The following DMD variants were observed in gnomAD, a reference collection of about 807,000 sequenced individuals.
The protein encoded by DMD is mutant dystrophin.
Under a neutral mutation model 330.1 loss-of-function variants are expected in DMD, and 63 were observed. The observed-to-expected ratio is 0.19, with a 90% confidence interval of 0.16 to 0.24. The LOEUF is 0.24. DMD is among the 10% of genes least tolerant of loss of function. DMD has a pLI of 1.00. For synonymous variants in DMD, 1,223 were observed against 959.8 expected (o/e 1.27, Z -5.07); for missense variants, 3,344 against 2,684.1 (o/e 1.25, Z -5.43).
intron 2 of DMD, among the ~76,000 whole-genome samples, chrX:32,923,273 T>C (rs1421528662): frequency 1.8e-5 from 2 of 111,635 alleles, no homozygotes; most frequent in Non-Finnish European, 3.8e-5. Context: ...AAATCATCTT[T>C]GTCAGGGTGG....
At chrX:31,186,499 A>G (rs1470248636) in intron 67 of DMD, among the ~76,000 whole-genome samples, 1 of 111,877 alleles carries the variant, frequency 8.9e-6, no homozygotes, top group East Asian at 2.8e-4. Flanking sequence ...GTGGCTTATC[A>G]GAGGATGGAG....
At chrX:31,344,779 C>T (rs1045023796) in intron 61 of DMD, among the ~76,000 whole-genome samples, 3 of 109,653 alleles carry the variant, frequency 2.7e-5, no homozygotes, top group African/African-American at 6.7e-5. Context: ...GAACCCAGGA[C>T]GGGGGAGGTT....
In DMD at chrX:33,103,581, G is replaced by A. The variant is rs777339186; in HGVS notation, c.32-83381C>T. Among the ~76,000 whole-genome samples, 6 of 109,236 alleles carry A rather than the reference G, an allele frequency of 5.5e-5. No homozygotes were observed. The East Asian group carries it at 8.7e-4, about 16-fold the overall frequency. 94.9% of individuals were successfully genotyped at this position (109,236 alleles called of 115,157 possible). ...TCTTTGTAATTTTCCTTTACCTACC[G>A]AAAGCTTATAAAACGGCCCCACCCC... On this transcript the variant is annotated intron_variant, in intron 1 of 78. Transcript: ENST00000357033.
intron 43 of DMD, among the ~76,000 whole-genome samples, chrX:32,237,171 G>T (rs748673017): frequency 9.0e-6 from 1 of 110,944 alleles, no homozygotes; most frequent in Non-Finnish European, 1.9e-5. Flanking sequence ...ATATTTTAAT[G>T]CTTTGCCTTT....
At chrX:32,135,226 C>T (rs919458439) in intron 44 of DMD, among the ~76,000 whole-genome samples, 3 of 112,023 alleles carry the variant, frequency 2.7e-5, no homozygotes, top group South Asian at 3.7e-4. Flanking sequence ...CTAGCTCTAT[C>T]GGTTACAGCA....
intron 63 of DMD, among the ~76,000 whole-genome samples, chrX:31,259,877 A>G (rs1167917002): frequency 9.0e-6 from 1 of 110,880 alleles, no homozygotes. Flanking sequence ...ATTTATGTTT[A>G]AGTACCCTGA....
chrX:31,742,240 G>A (rs181695100), intron 51 of DMD, among the ~76,000 whole-genome samples: 67 of 112,588 alleles, frequency 6.0e-4, no homozygotes, highest in Non-Finnish European at 1.5e-4. Flanking sequence ...GTTCAACAGA[G>A]TAGCACTTTT....
At chrX:32,026,353 G>T in intron 44 of DMD, among the ~76,000 whole-genome samples, 1 of 112,000 alleles carries the variant, frequency 8.9e-6, no homozygotes. Context: ...TTTCATTTAA[G>T]ATTACAAAGA....
intron 50 of DMD, among the ~76,000 whole-genome samples, chrX:31,795,716 A>G (rs768333646): frequency 8.9e-6 from 1 of 112,280 alleles, no homozygotes; most frequent in East Asian, 2.8e-4. Context: ...TATGCCAACA[A>G]TTAATCTCAG....
At chrX:31,430,845 C>T (rs754924545) in intron 60 of DMD, among the ~76,000 whole-genome samples, 13 of 92,742 alleles carry the variant, frequency 1.4e-4, no homozygotes, top group Admixed American at 8.7e-4. Flanking sequence ...ACTCTGTCAC[C>T]AGTCTGGAGT....
intron 1 of DMD, among the ~76,000 whole-genome samples, chrX:33,274,751 G>A (rs1315089855): frequency 1.8e-5 from 2 of 111,723 alleles, no homozygotes; most frequent in Non-Finnish European, 3.8e-5. Context: ...CTACTGATGG[G>A]ATCTGCCATC....
At chrX:32,654,987 T>C (rs1209500382) in intron 9 of DMD, among the ~76,000 whole-genome samples, 1 of 111,922 alleles carries the variant, frequency 8.9e-6, no homozygotes, top group Non-Finnish European at 1.9e-5. Flanking sequence ...GTGGGATCGG[T>C]GGTGATATCC....
intron 42 of DMD, among the ~76,000 whole-genome samples, chrX:32,301,216 T>C (rs1321575912): frequency 1.5e-5 from 1 of 64,782 alleles, no homozygotes; most frequent in African/African-American, 5.8e-5. Flanking sequence ...CCCAAATGCA[T>C]ACATCTAAAA....
At chrX:32,474,562 G>A (rs751871313) in intron 21 of DMD, among the ~76,000 whole-genome samples, 1 of 111,914 alleles carries the variant, frequency 8.9e-6, no homozygotes, top group African/African-American at 3.2e-5. Flanking sequence ...ATTCTTGCAA[G>A]AGTAAGGTGG....
chrX:33,009,750 GTA>G lies in DMD; in HGVS notation c.93+10387_93+10388del, dbSNP rs1413841516. ...TATATGTGTATATACACACATATGT[GTA>G]TATGTGTGTATATGTGTATATACAC... On this transcript the variant is annotated intron_variant, in intron 2 of 78. Coordinates refer to ENST00000357033, the MANE Select transcript of DMD (RefSeq NM_004006.3). Among the ~76,000 whole-genome samples, 13 of 49,440 alleles carry G rather than the reference GTA, an allele frequency of 2.6e-4. 1 individual carries two copies. The highest frequency in any genetic ancestry group is 4.4e-4 in the Non-Finnish European group (12 of 27,544). The allele number at this position is 49,440 out of a possible 115,157, so 42.9% of individuals were successfully genotyped here. A position where few individuals can be genotyped will look rare whatever the true frequency, so the allele number is the denominator to read the frequency against.
intron 30 of DMD, among the ~76,000 whole-genome samples, chrX:32,407,642 T>C (rs1365126491): frequency 1.8e-5 from 2 of 110,822 alleles, no homozygotes; most frequent in African/African-American, 6.6e-5. Flanking sequence ...CAAAGGATTA[T>C]AAATCATGCT....
chrX:32,082,017 T>C (rs1440685156), intron 44 of DMD, among the ~76,000 whole-genome samples: 1 of 111,067 alleles, frequency 9.0e-6, no homozygotes, highest in East Asian at 2.8e-4. Context: ...TGTCAGGAGT[T>C]GTGTTTATTA....
chrX:31,317,485 G>T (rs964526740), intron 62 of DMD, among the ~76,000 whole-genome samples: 2 of 108,355 alleles, frequency 1.8e-5, no homozygotes, highest in Admixed American at 2.0e-4. Context: ...GAAGAGTGAG[G>T]TGTCTGGAAT....
chrX:31,444,444 C>T (rs1251958242), intron 60 of DMD, 37 bp downstream of exon 60: 3 of 1,203,791 alleles, frequency 2.5e-6, no homozygotes, highest in Non-Finnish European at 3.4e-6. Flanking sequence ...TATTATTTTA[C>T]TGTAACAAAG....
Sources: allele counts gnomAD v4.1 joint callset (sites outside exome capture counted in the v4.1 genomes callset), GRCh38; gene constraint gnomAD v4.1.1; transcripts MANE v1.5; gene names NCBI Gene and HGNC (gene_info 2026-07-23, HGNC 2026-07-21).